The following AOPEP variants were observed in gnomAD, a reference collection of about 807,000 sequenced individuals.
AOPEP encodes aminopeptidase O.
A neutral mutation model predicts 98.1 loss-of-function variants in AOPEP; 77 were observed. The ratio of observed to expected loss-of-function variants is 0.78; its 90% CI spans 0.65 to 0.95. The LOEUF is 0.95. AOPEP is among the 40% of genes least tolerant of loss of function. The pLI, the probability that AOPEP is intolerant of heterozygous loss-of-function variation, is 0.00. For synonymous variants in AOPEP, 346 were observed against 365.3 expected (o/e 0.95, Z 0.60); for missense variants, 1,024 against 1,024.7 (o/e 1.00, Z 0.01).
At chr9:94,892,825 T>A (rs2049023552) in intron 5 of AOPEP, among the ~76,000 whole-genome samples, 1 of 152,208 alleles carries the variant, frequency 6.6e-6, no homozygotes. Flanking sequence ...GCAATCCTCC[T>A]GCCTCAGCCT....
At chr9:95,054,483 G>A (rs765551910) in intron 13 of AOPEP, among the ~76,000 whole-genome samples, 1 of 152,234 alleles carries the variant, frequency 6.6e-6, no homozygotes, top group African/African-American at 2.4e-5. Context: ...ATTGCATATA[G>A]TGTATGCTTT....
intron 7 of AOPEP, among the ~76,000 whole-genome samples, chr9:94,952,217 A>G (rs1288961311): frequency 6.6e-6 from 1 of 152,196 alleles, no homozygotes; most frequent in Non-Finnish European, 1.5e-5. Flanking sequence ...TTCTAGACTG[A>G]TGGCCTTTCC....
chr9:94,768,206 TC>T (rs1232945438), intron 2 of AOPEP, among the ~76,000 whole-genome samples: 1 of 152,126 alleles, frequency 6.6e-6, no homozygotes, highest in Non-Finnish European at 1.5e-5. Context: ...CAGGGCCTCA[TC>T]AAGCCACACA....
chr9:94,939,139 T>C (rs2056695510), intron 7 of AOPEP, among the ~76,000 whole-genome samples: 1 of 151,720 alleles, frequency 6.6e-6, no homozygotes, highest in Non-Finnish European at 1.5e-5. Context: ...TCCCACCTAC[T>C]TGGGAGGCTG....
rs61128603 is a variant in AOPEP at position 94,872,908 on chromosome 9, A to G, written c.1365-51078A>G. ...CATCCAGAGAGCTTTCTCACTCACA[A>G]GAGGGTTAAGGTCTTTACTGGCAGG... On this transcript the variant is annotated intron_variant, in intron 5 of 16. Coordinates refer to ENST00000375315, the MANE Select transcript of AOPEP (RefSeq NM_001193329.3). 3.5e-3 allele frequency among the ~76,000 whole-genome samples: 538 copies of G among 152,330 alleles called. 2 individuals carry two copies. The highest frequency in any genetic ancestry group is 0.012 in the African/African-American group (497 of 41,576).
At chr9:94,844,718 CA>C (rs2042648684) in intron 5 of AOPEP, among the ~76,000 whole-genome samples, 1 of 152,212 alleles carries the variant, frequency 6.6e-6, no homozygotes, top group Non-Finnish European at 1.5e-5. Flanking sequence ...AAACTCTTGA[CA>C]CTGGGGTACC....
the AOPEP span, among the ~76,000 whole-genome samples, chr9:95,111,864 C>T: frequency 6.6e-6 from 1 of 152,286 alleles, no homozygotes; most frequent in East Asian, 1.9e-4. Flanking sequence ...AGGCCTGAGG[C>T]CTTTGGACAT....
chr9:95,048,267 AT>A lies in AOPEP; in HGVS notation c.2116-12425del, dbSNP rs541074951. ...ATATGCAAAGAGAGAAAGTCCTCAC[AT>A]TGTGTAAGTGAGAGGAGAAATTGCT... is the stretch of plus-strand genomic sequence containing the variant. On this transcript the variant is annotated intron_variant, in intron 13 of 16. Transcript: ENST00000375315. Among the ~76,000 whole-genome samples, 4 of 152,258 alleles carry A rather than the reference AT, an allele frequency of 2.6e-5. No homozygotes were observed. In the South Asian group the frequency reaches 8.3e-4, roughly 32 times the overall value.
intron 9 of AOPEP, 46 bp downstream of exon 9, chr9:94,956,061 G>C: frequency 2.7e-6 from 3 of 1,113,000 alleles, no homozygotes; most frequent in Middle Eastern, 4.0e-4. Context: ...ACTGGAGGGG[G>C]TATGGCACAT....
At chr9:94,908,286 C>T (rs1373575549) in intron 5 of AOPEP, among the ~76,000 whole-genome samples, 1 of 152,178 alleles carries the variant, frequency 6.6e-6, no homozygotes, top group Admixed American at 6.5e-5. Context: ...TGCTGTTAAG[C>T]TGTGGCAGAG....
chr9:94,809,557 C>T (rs1227712225), intron 5 of AOPEP, among the ~76,000 whole-genome samples: 7 of 152,294 alleles, frequency 4.6e-5, no homozygotes, highest in East Asian at 1.9e-4. Context: ...GACCTGCATG[C>T]GTCAGGCCCT....
chr9:94,849,807 G>C (rs1398236534), intron 5 of AOPEP, among the ~76,000 whole-genome samples: 1 of 152,076 alleles, frequency 6.6e-6, no homozygotes, highest in Non-Finnish European at 1.5e-5. Context: ...GGCTGAGGTG[G>C]GTGGATCACC....
At chr9:94,922,722 C>G (rs2053801266) in intron 5 of AOPEP, among the ~76,000 whole-genome samples, 1 of 152,136 alleles carries the variant, frequency 6.6e-6, no homozygotes, top group African/African-American at 2.4e-5. Context: ...CCCAACTCCA[C>G]TTGTAATTTC....
chr9:94,903,808 T>C (rs112861959), intron 5 of AOPEP, among the ~76,000 whole-genome samples: 5,370 of 148,868 alleles, frequency 0.036, 270 homozygotes, highest in African/African-American at 0.11. Context: ...ACAGGAGAAT[T>C]GCTTGAACTC....
At position 94,976,827 on chromosome 9, in the gene AOPEP, C is replaced by T. The variant is rs147605024; in HGVS notation, c.1917-2540C>T. Among the ~76,000 whole-genome samples the T allele has an allele frequency of 2.8e-3, 428 of 152,144 alleles. 11 individuals carry two copies. The highest frequency in any genetic ancestry group is 0.026 in the Admixed American group (396 of 15,280). ...GACTATATGCACATGCCACCATGCCCAGCTAATTTTTTTATTTTTAGTAGA... is the reference window on the plus strand; with the variant it reads ...GACTATATGCACATGCCACCATGCCTAGCTAATTTTTTTATTTTTAGTAGA... On this transcript the variant is annotated intron_variant, in intron 10 of 16. Coordinates refer to ENST00000375315, the MANE Select transcript of AOPEP (RefSeq NM_001193329.3).
At chr9:95,062,278 T>C (rs2067385089) in intron 14 of AOPEP, among the ~76,000 whole-genome samples, 1 of 152,194 alleles carries the variant, frequency 6.6e-6, no homozygotes, top group Admixed American at 6.5e-5. Context: ...GCAGGGGTGC[T>C]TGGGACCTGG....
At chr9:94,885,310 C>T (rs2048084736) in intron 5 of AOPEP, among the ~76,000 whole-genome samples, 1 of 115,546 alleles carries the variant, frequency 8.7e-6, no homozygotes, top group South Asian at 3.0e-4. Flanking sequence ...GATCATACAA[C>T]TGCACTGCAG....
At chr9:95,145,314 T>C in the AOPEP span, 3 of 152,100 alleles carry the variant, frequency 2.0e-5, no homozygotes, top group African/African-American at 7.2e-5. Flanking sequence ...CAACAAAACA[T>C]TAGGAACAAG....
chr9:95,004,838 A>T (rs1244526111), intron 11 of AOPEP: 1 of 146,530 alleles, frequency 6.8e-6, no homozygotes, highest in African/African-American at 2.5e-5. Context: ...GTTCGTGGGG[A>T]GAACAATACA....
Sources: gnomAD v4.1 joint callset for allele counts (sites outside exome capture counted in the v4.1 genomes callset) on GRCh38, gnomAD v4.1.1 for gene constraint, MANE v1.5 for transcripts, NCBI Gene and HGNC (gene_info 2026-07-23, HGNC 2026-07-21) for gene names.